Variants in CDH1 observed in about 807,000 individuals in gnomAD.
CDH1 encodes cadherin-1.
In CDH1, 35 loss-of-function variants were observed where a neutral mutation model predicts 84.5. The ratio of observed to expected loss-of-function variants is 0.41; its 90% CI spans 0.32 to 0.55. The LOEUF (loss-of-function observed/expected upper bound fraction) is 0.55, where lower values mean the gene tolerates loss of function less well. Ranked by LOEUF, CDH1 falls within the 20% of genes least tolerant of loss-of-function variation. CDH1 has a pLI of 0.19. For missense variants in CDH1, 994 were observed against 1,126.6 expected (o/e 0.88, Z 1.68); for synonymous variants, 417 against 439.0 (o/e 0.95, Z 0.63).
intron 2 of CDH1, among the ~76,000 whole-genome samples, chr16:68,745,584 A>AT (rs139609658): frequency 1.4e-3 from 64 of 45,292 alleles, no homozygotes; most frequent in African/African-American, 4.9e-3. Context: ...ATGTATGTGT[A>AT]ATATATGTGT....
intron 6 of CDH1, 108 bp from the exon 7 acceptor site, chr16:68,811,576 A>AC: frequency 2.1e-6 from 2 of 949,272 alleles, no homozygotes; most frequent in Non-Finnish European, 3.4e-6. Context: ...ACACGGTACC[A>AC]CCCCCATGTC....
chr16:68,753,921 C>T (rs1322640197), intron 2 of CDH1, among the ~76,000 whole-genome samples: 1 of 151,132 alleles, frequency 6.6e-6, no homozygotes, highest in Non-Finnish European at 1.5e-5. Flanking sequence ...TCGAGACCAT[C>T]CTGGCTAACA....
intron 10 of CDH1, 38 bp from the exon 11 acceptor site, chr16:68,819,242 T>A (rs34212204): frequency 1.2e-6 from 2 of 1,613,512 alleles, no homozygotes; most frequent in Non-Finnish European, 1.7e-6. Context: ...TGTTGTTTGC[T>A]GGTCCTATTC....
At chr16:68,832,021 A>T (rs552648624) in intron 15 of CDH1, among the ~76,000 whole-genome samples, 2 of 152,260 alleles carry the variant, frequency 1.3e-5, no homozygotes, top group Admixed American at 1.3e-4. Context: ...TCCTTAGCAA[A>T]CTAATGCAGG....
At chr16:68,791,798 G>A (rs555888254) in intron 2 of CDH1, among the ~76,000 whole-genome samples, 18 of 152,276 alleles carry the variant, frequency 1.2e-4, no homozygotes, top group African/African-American at 4.1e-4. Flanking sequence ...TTTGTCCATT[G>A]CTGTATTTCT....
intron 5 of CDH1, 112 bp downstream of exon 5, chr16:68,808,960 C>G: frequency 1.1e-6 from 1 of 905,512 alleles, no homozygotes; most frequent in Non-Finnish European, 1.8e-6. Context: ...AGGAGCTTAA[C>G]TTGACACCTC....
At chr16:68,790,839 A>T (rs1406890454) in intron 2 of CDH1, among the ~76,000 whole-genome samples, 1 of 152,154 alleles carries the variant, frequency 6.6e-6, no homozygotes, top group Non-Finnish European at 1.5e-5. Flanking sequence ...GCAGATACCA[A>T]TCCAGGCAGG....
chr16:68,777,495 G>T (rs1233386341), intron 2 of CDH1, among the ~76,000 whole-genome samples: 3 of 143,842 alleles, frequency 2.1e-5, no homozygotes, highest in Non-Finnish European at 4.6e-5. Flanking sequence ...CAAAAGCAGT[G>T]TTTGTGGGGT....
intron 2 of CDH1, among the ~76,000 whole-genome samples, chr16:68,757,667 G>A (rs1425974711): frequency 6.6e-6 from 1 of 152,152 alleles, no homozygotes; most frequent in African/African-American, 2.4e-5. Flanking sequence ...CAGCAGGATT[G>A]CCTGGATTCC....
At chr16:68,817,489 C>A (rs922320874) in intron 10 of CDH1, among the ~76,000 whole-genome samples, 1 of 152,208 alleles carries the variant, frequency 6.6e-6, no homozygotes, top group Admixed American at 6.5e-5. Flanking sequence ...TATCTACCTG[C>A]AGATTATAGG....
At chr16:68,774,347 C>T (rs112084070) in intron 2 of CDH1, among the ~76,000 whole-genome samples, 1 of 152,100 alleles carries the variant, frequency 6.6e-6, no homozygotes, top group Admixed American at 6.5e-5. Flanking sequence ...TGGTGAAACC[C>T]CATCTCTACT....
intron 13 of CDH1, among the ~76,000 whole-genome samples, chr16:68,825,773 A>G (rs865778733): frequency 2.8e-5 from 4 of 140,476 alleles, no homozygotes; most frequent in African/African-American, 8.1e-5. Context: ...TATAGTGGTT[A>G]CTGACCAGTA....
chr16:68,778,296 T>C (rs1959788217), intron 2 of CDH1, among the ~76,000 whole-genome samples: 1 of 152,224 alleles, frequency 6.6e-6, no homozygotes, highest in Admixed American at 6.5e-5. Context: ...TCCGCCTGCC[T>C]TGGCCTCCCA....
intron 2 of CDH1, among the ~76,000 whole-genome samples, chr16:68,785,023 G>A (rs1960004685): frequency 2.0e-5 from 3 of 150,092 alleles, no homozygotes; most frequent in African/African-American, 4.9e-5. Flanking sequence ...GGACACCATT[G>A]AAAAAAAAAT....
At chr16:68,790,297 C>T (rs1960172683) in intron 2 of CDH1, among the ~76,000 whole-genome samples, 1 of 152,118 alleles carries the variant, frequency 6.6e-6, no homozygotes, top group South Asian at 2.1e-4. Context: ...CTTTGGAATT[C>T]AGTACATGGG....
intron 2 of CDH1, among the ~76,000 whole-genome samples, chr16:68,761,274 C>A (rs1210667049): frequency 6.6e-6 from 1 of 152,188 alleles, no homozygotes; most frequent in East Asian, 1.9e-4. Context: ...CTTGGAGAGG[C>A]CTGAGTGGTC....
chr16:68,788,942 T>C lies in CDH1; in HGVS notation c.164-12728T>C, dbSNP rs576584617. ...GTCACTTGAACGCAGGAGGCGGAGG[T>C]TGCGGTAATCTGAGGTCATGCCACT... is the stretch of plus-strand genomic sequence containing the variant. On this transcript the variant is annotated intron_variant, in intron 2 of 15. Transcript: ENST00000261769. Among the ~76,000 whole-genome samples, 565 of 151,740 alleles carry C rather than the reference T, an allele frequency of 3.7e-3. 6 individuals carry two copies. The highest frequency in any genetic ancestry group is 6.2e-3 in the Non-Finnish European group (422 of 67,890).
chr16:68,784,195 T>C (rs1030412176), intron 2 of CDH1, among the ~76,000 whole-genome samples: 2 of 151,286 alleles, frequency 1.3e-5, no homozygotes, highest in African/African-American at 2.4e-5. Flanking sequence ...GTAAAATCTA[T>C]AAACATGATC....
At chr16:68,767,663 T>G (rs1371617182) in intron 2 of CDH1, among the ~76,000 whole-genome samples, 1 of 152,268 alleles carries the variant, frequency 6.6e-6, no homozygotes, top group African/African-American at 2.4e-5. Context: ...TTGTTTGTTT[T>G]TTTATTTACT....
Sources: allele counts gnomAD v4.1 joint callset (sites outside exome capture counted in the v4.1 genomes callset), GRCh38; gene constraint gnomAD v4.1.1; transcripts MANE v1.5; gene names NCBI Gene and HGNC (gene_info 2026-07-23, HGNC 2026-07-21).